Variants in KCNH2 observed in about 807,000 individuals in gnomAD.
KCNH2 encodes the protein potassium voltage-gated channel subfamily H member 2, also known as voltage-gated inwardly rectifying potassium channel KCNH2.
A neutral mutation model predicts 95.9 loss-of-function variants in KCNH2; 35 were observed. That is an observed-to-expected ratio of 0.37 (90% CI 0.28 to 0.48). KCNH2 has a LOEUF of 0.48. Ranked by LOEUF, KCNH2 falls within the 20% of genes least tolerant of loss-of-function variation. The pLI is 0.99. For missense variants in KCNH2, 1,274 were observed against 1,702.9 expected, an observed-to-expected ratio of 0.75 and a Z score of 4.43; for synonymous variants, 786 against 754.7, an observed-to-expected ratio of 1.04 and a Z score of -0.68.
At position 150,950,062 on chromosome 7, in the gene KCNH2, AG is replaced by A. The variant is rs546898924; in HGVS notation, c.2398+105del. ...AATTAAAGGAGCCCAGTGACCCTGC[AG>A]GCAGTCCCAGGTCCACAGCCCCAGT... On this transcript the variant is annotated intron_variant, in intron 9 of 14. Coordinates refer to ENST00000262186, the MANE Select transcript of KCNH2 (RefSeq NM_000238.4). The A allele has an allele frequency of 1.6e-4, 251 of 1,612,160 alleles. 1 individual carries two copies. In the African/African-American group the frequency reaches 2.8e-3, roughly 18 times the overall value.
chr7:150,966,601 A>C (rs1234948571), intron 2 of KCNH2, among the ~76,000 whole-genome samples: 15 of 152,198 alleles, frequency 9.9e-5, no homozygotes, highest in Non-Finnish European at 1.5e-5. Flanking sequence ...AATTAGAACT[A>C]ATTAGATCAG....
At chr7:150,949,583 C>CA (rs141342915) in intron 9 of KCNH2, 243 of 1,061,294 alleles carry the variant, frequency 2.3e-4, no homozygotes, top group Non-Finnish European at 2.7e-4. Flanking sequence ...AGCTGAGAAA[C>CA]AAAGTCTAAA....
At chr7:150,964,910 G>A (rs557976075) in intron 2 of KCNH2, among the ~76,000 whole-genome samples, 1 of 152,204 alleles carries the variant, frequency 6.6e-6, no homozygotes, top group South Asian at 2.1e-4. Context: ...GGGGGCCACC[G>A]TGTCACTAAC....
Position 150,951,485 on chromosome 7 carries a change from T to C in KCNH2, c.1908A>G (p.Ser636=), listed in dbSNP as rs753387993. 2 of 1,614,178 alleles carry C rather than the reference T, an allele frequency of 1.2e-6. No homozygotes were observed. Among genetic ancestry groups the C allele is most frequent in the Non-Finnish European group, 1.7e-6 (2 of 1,180,040 alleles). ...TGACGCAGATGGAGAAGATCTTCTC[T>C]GAGTTGGTGTTGGGAGAGACGTTGC... ...GFGNVSPNTN[S]EKIFSICVML... Residue 636 remains serine, a synonymous_variant, in exon 7 of 15, where the codon TCA becomes TCG. Transcript: ENST00000262186.
chr7:150,974,870 C>A lies in KCNH2; in HGVS notation c.148G>T (p.Glu50Ter). The A allele has an allele frequency of 6.2e-7, 1 of 1,611,896 alleles. No individual in the cohort carries two copies. The highest frequency in any genetic ancestry group is 8.5e-7 in the Non-Finnish European group (1 of 1,179,268). Residue 50 changes from glutamate to a stop codon, truncating the protein, a stop_gained, in exon 2 of 15, where the codon GAG becomes TAG. Transcript: ENST00000262186. LOFTEE classifies it high-confidence loss of function. ...AVIYCNDGFC[E>*]LCGYSRAEVM... is the part of the protein sequence containing the mutation. ...TCGGCCCGCGAGTAGCCGCACAGCT[C>A]GCAGAAGCCGTCGTTGCAGTAGATG...
intron 7 of KCNH2, 104 bp downstream of exon 7, chr7:150,951,344 A>C: frequency 7.7e-7 from 1 of 1,293,596 alleles, no homozygotes; most frequent in Non-Finnish European, 1.0e-6. Context: ...TGGAGTCTCT[A>C]AGTTCCAGGG....
chr7:150,973,069 G>A (rs903391093), intron 2 of KCNH2, among the ~76,000 whole-genome samples: 4 of 152,212 alleles, frequency 2.6e-5, no homozygotes, highest in Non-Finnish European at 5.9e-5. Flanking sequence ...AGCAAGGCAC[G>A]TTATCCCAGA....
chr7:150,959,668 T>C lies in KCNH2; in HGVS notation c.376A>G (p.Ile126Val). Residue 126 changes from isoleucine (I) to valine (V), a missense_variant, in exon 3 of 15, where the codon ATC becomes GTC. Physicochemically the swap from Ile to Val is conservative, Grantham distance 29 (BLOSUM62 3). Around this residue, in one of 7 missense-constraint regions of KCNH2, gnomAD observed 85 missense variants for 174.7 expected, o/e 0.49. Transcript: ENST00000262186. ...KNEDGAVIMF[I>V]LNFEVVMEKD... ...TCCATCACCACCTCGAAATTGAGGATGAACATGATGACAGCCCCATCCTCG... is the reference window on the plus strand; with the variant it reads ...TCCATCACCACCTCGAAATTGAGGACGAACATGATGACAGCCCCATCCTCG... The C allele has an allele frequency of 6.2e-7, 1 of 1,614,158 alleles. No homozygotes were observed. Among genetic ancestry groups the C allele is most frequent in the Non-Finnish European group, 8.5e-7 (1 of 1,180,028 alleles).
At chr7:150,949,515 G>A in intron 9 of KCNH2, 1 of 796,628 alleles carries the variant, frequency 1.3e-6, no homozygotes, top group Non-Finnish European at 1.6e-6. Flanking sequence ...AAGGCCCAGT[G>A]TTATGTAGTG....
chr7:150,947,963 C>A lies in KCNH2; in HGVS notation c.2693-85G>T, dbSNP rs1800982346. 5 of 1,430,826 alleles carry A rather than the reference C, an allele frequency of 3.5e-6. No homozygotes were observed. The Admixed American group carries it at 1.2e-4, about 35-fold the overall frequency. 88.6% of individuals were successfully genotyped at this position (1,430,826 alleles called of 1,614,324 possible). A position where few individuals can be genotyped will look rare whatever the true frequency, so the allele number is the denominator to read the frequency against. ...GGTGGAGGAGGGGACAGGAGCGAGC[C>A]CGAGAGAGGACTGGGCAGGAAGCCC... On this transcript the variant is annotated intron_variant, in intron 11 of 14. Coordinates refer to ENST00000262186, the MANE Select transcript of KCNH2 (RefSeq NM_000238.4).
rs199472944 is a variant in KCNH2 at position 150,951,552 on chromosome 7, G to A, written c.1841C>T (p.Ala614Val). The A allele has an allele frequency of 6.2e-7, 1 of 1,614,146 alleles. No homozygotes were observed. Among genetic ancestry groups the A allele is most frequent in the Non-Finnish European group, 8.5e-7 (1 of 1,180,030 alleles). Residue 614 changes from alanine (A) to valine (V), a missense_variant, in exon 7 of 15, where the codon GCG becomes GTG. Ala to Val is a moderately conservative substitution (Grantham distance 64, BLOSUM62 0). This residue lies in a region of KCNH2 where 147 missense variants were observed against 344.4 expected (regional missense o/e 0.43). Transcript: ENST00000262186. Reference sequence around the variant, plus strand: ...GAGGCTGCTGAAGGTGAAGTAGAGCGCCGTCACATACTTGTCCTTGATGGA... The same window carrying A: ...GAGGCTGCTGAAGGTGAAGTAGAGCACCGTCACATACTTGTCCTTGATGGA... ...GPSIKDKYVT[A>V]LYFTFSSLTS...
Position 150,945,524 on chromosome 7 carries a change from A to G in KCNH2, c.3331-10T>C. The G allele has an allele frequency of 1.9e-6, 3 of 1,552,792 alleles. No individual in the cohort carries two copies. The highest frequency in any genetic ancestry group is 1.7e-6 in the Non-Finnish European group (2 of 1,150,558). On this transcript the variant is annotated splice_polypyrimidine_tract_variant and intron_variant, in intron 14 of 14. Transcript: ENST00000262186. The surrounding 1 kb of genome is among the most constrained non-coding windows in gnomAD (Gnocchi z 5.6). Reference sequence around the variant, plus strand: ...CCATGAACTGGGAAACCTGCAATACACACAGAGCATGGGCAGGCGAAGAGG... The same window carrying G: ...CCATGAACTGGGAAACCTGCAATACGCACAGAGCATGGGCAGGCGAAGAGG...
At chr7:150,974,577 A>C in intron 2 of KCNH2, 134 bp downstream of exon 2, 4 of 773,840 alleles carry the variant, frequency 5.2e-6, no homozygotes, top group Non-Finnish European at 4.1e-6. Flanking sequence ...ACACCCCCAC[A>C]GAACCCTGCC....
intron 2 of KCNH2, among the ~76,000 whole-genome samples, chr7:150,967,172 G>A (rs550382215): frequency 2.6e-5 from 4 of 152,206 alleles, no homozygotes; most frequent in African/African-American, 7.2e-5. Flanking sequence ...CCAGCTACTC[G>A]GGAGGCTGAG....
intron 5 of KCNH2, among the ~76,000 whole-genome samples, chr7:150,956,541 G>A (rs1010443572): frequency 2.0e-5 from 3 of 152,026 alleles, no homozygotes; most frequent in Non-Finnish European, 2.9e-5. Context: ...GGTGTCGGGT[G>A]GATGAAGCCA....
chr7:150,957,554 G>T (rs530299159), intron 4 of KCNH2, 52 bp from the exon 5 acceptor site: 14 of 1,390,288 alleles, frequency 1.0e-5, no homozygotes, highest in Middle Eastern at 2.4e-4. Context: ...CCCAGGCCAG[G>T]CAGGCCACCC....
chr7:150,962,331 C>T lies in KCNH2; in HGVS notation c.308-2595G>A, dbSNP rs1801588744. 6.6e-6 allele frequency among the ~76,000 whole-genome samples: 1 copy of T among 152,178 alleles called. No individual in the cohort carries two copies. Among genetic ancestry groups the T allele is most frequent in the Non-Finnish European group, 1.5e-5 (1 of 68,038 alleles). ...CAGGCCCTCGAACCTAAGTCCTCCACCAGGGAGCTTGCCTCAGAGAAGTCT... is the reference window on the plus strand; with the variant it reads ...CAGGCCCTCGAACCTAAGTCCTCCATCAGGGAGCTTGCCTCAGAGAAGTCT... On this transcript the variant is annotated intron_variant, in intron 2 of 14. Transcript: ENST00000262186. The surrounding 1 kb of genome is among the most constrained non-coding windows in gnomAD (Gnocchi z 5.7).
chr7:150,948,419 C>CCCCGA, intron 11 of KCNH2, 25 bp downstream of exon 11: 4 of 1,297,838 alleles, frequency 3.1e-6, no homozygotes, highest in Non-Finnish European at 4.4e-6. Context: ...CCCGCCCTCC[C>CCCCGA]CCTTCCTCCC....
chr7:150,970,784 T>C (rs953236987), intron 2 of KCNH2, among the ~76,000 whole-genome samples: 1 of 152,190 alleles, frequency 6.6e-6, no homozygotes. Flanking sequence ...GTCCCCATGA[T>C]GAAGGGCGCT....
Sources: gnomAD v4.1 joint callset for allele counts (sites outside exome capture counted in the v4.1 genomes callset) on GRCh38, gnomAD v4.1.1 for gene constraint, gnomAD v4.1.1 regional missense constraint, Gnocchi (gnomAD v3.1) non-coding constraint, MANE v1.5 for transcripts, NCBI Gene and HGNC (gene_info 2026-07-23, HGNC 2026-07-21) for gene names.